THOC1: variants seen among roughly 807,000 people sequenced by gnomAD.
THOC1 encodes THO complex subunit 1, also known as THO complex 1.
Under a neutral mutation model 97.3 loss-of-function variants are expected in THOC1, and 29 were observed. The observed-to-expected ratio is 0.30, with a 90% CI of 0.22 to 0.41. The LOEUF (loss-of-function observed/expected upper bound fraction) is 0.41, where lower values mean the gene tolerates loss of function less well. Among genes scored for constraint, THOC1 ranks in the 10% least tolerant of loss-of-function variants. The pLI is 1.00. For missense variants in THOC1, 529 were observed against 761.9 expected (o/e 0.69, Z 3.60); for synonymous variants, 255 against 257.0 (o/e 0.99, Z 0.07).
intron 11 of THOC1, among the ~76,000 whole-genome samples, chr18:227,314 T>A (rs892242028): frequency 9.9e-5 from 15 of 151,214 alleles, no homozygotes; most frequent in Admixed American, 5.9e-4. Flanking sequence ...ACTCTAAATT[T>A]AAAAAAAAAA....
intron 17 of THOC1, 112 bp downstream of exon 17, chr18:223,328 A>G (rs1044878426): frequency 2.5e-6 from 2 of 803,402 alleles, no homozygotes; most frequent in Non-Finnish European, 3.8e-6. Context: ...CCAAAAGTCA[A>G]CCACAATAAA....
At chr18:228,153 G>T (rs775394546) in intron 11 of THOC1, among the ~76,000 whole-genome samples, 1 of 152,080 alleles carries the variant, frequency 6.6e-6, no homozygotes, top group Non-Finnish European at 1.5e-5. Context: ...CCACGGACAG[G>T]CCCATCTCTG....
intron 11 of THOC1, among the ~76,000 whole-genome samples, chr18:233,492 A>AAG (rs2143201228): frequency 6.6e-6 from 1 of 152,318 alleles, no homozygotes; most frequent in Admixed American, 6.5e-5. Context: ...AGGCTGAGGC[A>AAG]AGAGAATCAC....
Position 228,388 on chromosome 18 carries a change from C to A in THOC1, c.919-1487G>T, listed in dbSNP as rs535478656. Among the ~76,000 whole-genome samples the A allele has an allele frequency of 9.2e-5, 14 of 152,066 alleles. No individual in the cohort carries two copies. In the East Asian group the frequency reaches 2.7e-3, roughly 29 times the overall value. ...TAGTCCCATCCCATTTTATTATAAT[C>A]CTATTTTAGTCTAGATAAGGGGTCA... is the stretch of plus-strand genomic sequence containing the variant. On this transcript the variant is annotated intron_variant, in intron 11 of 20. Coordinates refer to ENST00000261600, the MANE Select transcript of THOC1 (RefSeq NM_005131.3).
intron 9 of THOC1, among the ~76,000 whole-genome samples, chr18:248,756 T>A (rs887703329): frequency 9.9e-5 from 15 of 152,042 alleles, no homozygotes; most frequent in Non-Finnish European, 1.8e-4. Context: ...TCTTTTAATT[T>A]AAATTTTTTT....
chr18:214,611 G>GA lies in THOC1; in HGVS notation c.*14dup, dbSNP rs752029619. On this transcript the variant is annotated 3_prime_UTR_variant, in exon 21 of 21. Transcript: ENST00000261600. ...AAATCTATCACAGTTTTAATAAAAA[G>GA]AAAAAAAAAAGAAGCTAACTATTTG... 7,196 of 1,354,976 alleles carry GA rather than the reference G, an allele frequency of 5.3e-3. No individual in the cohort carries two copies. Among genetic ancestry groups the GA allele is most frequent in the Non-Finnish European group, 5.8e-3 (5,727 of 994,310 alleles). 83.9% of individuals were successfully genotyped at this position (1,354,976 alleles called of 1,614,324 possible).
In THOC1 at chr18:265,331, G is replaced by A; in HGVS notation, c.161C>T (p.Ala54Val). ...TTCTTCTTCTAGAATACCTCTGAAAGCTTGGTCAAGGGTACATTTTTTTTC... is the reference window on the plus strand; with the variant it reads ...TTCTTCTTCTAGAATACCTCTGAAAACTTGGTCAAGGGTACATTTTTTTTC... ...ENEKKCTLDQ[A>V]FRGILEEEII... Residue 54 changes from alanine to valine, a missense_variant, in exon 3 of 21, where the codon GCT becomes GTT. Physicochemically the swap from Ala to Val is moderately conservative, Grantham distance 64 (BLOSUM62 0). Transcript: ENST00000261600. 6.2e-7 allele frequency: 1 copy of A among 1,602,350 alleles called. No homozygotes were observed. Among genetic ancestry groups the A allele is most frequent in the Non-Finnish European group, 8.5e-7 (1 of 1,176,460 alleles).
intron 4 of THOC1, chr18:261,087 T>G (rs1912590992): frequency 6.6e-6 from 1 of 152,204 alleles, no homozygotes; most frequent in South Asian, 2.1e-4. Flanking sequence ...TAACTATGAT[T>G]CAACATTTAA....
chr18:221,262 T>G (rs1911067248), intron 17 of THOC1, among the ~76,000 whole-genome samples: 1 of 152,162 alleles, frequency 6.6e-6, no homozygotes, highest in East Asian at 1.9e-4. Context: ...ATTTATTAAA[T>G]TCTGAGAAAG....
intron 11 of THOC1, among the ~76,000 whole-genome samples, chr18:229,523 A>G (rs1311593721): frequency 6.6e-6 from 1 of 152,062 alleles, no homozygotes; most frequent in East Asian, 1.9e-4. Context: ...CTATTTAAAA[A>G]AAAAAAAAAT....
chr18:221,859 T>C lies in THOC1; in HGVS notation c.1370+1581A>G, dbSNP rs144836754. Among the ~76,000 whole-genome samples the C allele has an allele frequency of 6.4e-3, 973 of 152,192 alleles. 9 individuals are homozygous for C. The highest frequency in any genetic ancestry group is 0.011 in the Non-Finnish European group (782 of 68,006). On this transcript the variant is annotated intron_variant, in intron 17 of 20. Transcript: ENST00000261600. ...TCCTGACCTCATGATCCGCCCGCCT[T>C]GGCCTCCCAAAGTGCTGGGATTACA...
At chr18:222,776 G>C (rs562335516) in intron 17 of THOC1, among the ~76,000 whole-genome samples, 1 of 152,228 alleles carries the variant, frequency 6.6e-6, no homozygotes, top group South Asian at 2.1e-4. Context: ...TCCTTTGTAG[G>C]TTGTCTGTTT....
intron 11 of THOC1, among the ~76,000 whole-genome samples, chr18:238,308 T>C (rs1911780252): frequency 6.6e-6 from 1 of 152,252 alleles, no homozygotes; most frequent in Non-Finnish European, 1.5e-5. Flanking sequence ...GCAGGAGCTA[T>C]CAAGTCTCAA....
At position 215,808 on chromosome 18, in the gene THOC1, C is replaced by T. The variant is rs144575289; in HGVS notation, c.1603-304G>A. 2.1e-3 allele frequency: 616 copies of T among 300,468 alleles called. 1 individual carries two copies. The highest frequency in any genetic ancestry group is 0.012 in the African/African-American group (562 of 46,470). 18.6% of individuals were successfully genotyped at this position (300,468 alleles called of 1,614,324 possible). The stretch of plus-strand genomic sequence containing the variant: ...ATACCCAGGGTTTATTTAGTAAAGA[C>T]GGCCTCAAGGAAGCCAGTAGCAACA... On this transcript the variant is annotated intron_variant, in intron 19 of 20. Coordinates refer to ENST00000261600, the MANE Select transcript of THOC1 (RefSeq NM_005131.3).
Position 259,252 on chromosome 18 carries a change from A to G in THOC1, c.448T>C (p.Ser150Pro), listed in dbSNP as rs1377966217. Residue 150 changes from serine to proline, a missense_variant, in exon 7 of 21, where the codon TCC (serine) becomes CCC (proline). Physicochemically the swap from Ser to Pro is moderately conservative, Grantham distance 74. Around this residue, in one of 8 missense-constraint regions of THOC1, gnomAD observed 49 missense variants for 91.7 expected, o/e 0.53. Transcript: ENST00000261600. ...CGTCCACAGAAGACTGTATTCTGGG[A>G]TTTAGACAATCTTCTTAGGAGATCT... ...CNDLLRRLSK[S>P]QNTVFCGRIQ... 6.2e-7 allele frequency: 1 copy of G among 1,611,266 alleles called. No homozygotes were observed. The highest frequency in any genetic ancestry group is 8.5e-7 in the Non-Finnish European group (1 of 1,178,628).
chr18:266,569 C>T (rs1458775438), intron 1 of THOC1, among the ~76,000 whole-genome samples: 1 of 143,692 alleles, frequency 7.0e-6, no homozygotes. Context: ...GATGGAGTCT[C>T]CCTCTGTTGC....
chr18:263,773 G>A (rs1261392437), intron 4 of THOC1: 1 of 389,532 alleles, frequency 2.6e-6, no homozygotes, highest in Non-Finnish European at 4.7e-6. Flanking sequence ...CATAGTAGAT[G>A]CTCAATGAAA....
intron 5 of THOC1, 77 bp downstream of exon 5, chr18:260,108 TA>T (rs11309829): frequency 0.61 from 522,337 of 860,550 alleles, 150,499 homozygotes; most frequent in South Asian, 0.71. Context: ...CAAATAAATT[TA>T]AAAAAAAAAA....
intron 7 of THOC1, among the ~76,000 whole-genome samples, chr18:257,889 T>A (rs1324014400): frequency 6.6e-6 from 1 of 151,998 alleles, no homozygotes; most frequent in Non-Finnish European, 1.5e-5. Flanking sequence ...TGAGAAGGTA[T>A]AATGGATGTT....
Sources: allele counts gnomAD v4.1 joint callset (sites outside exome capture counted in the v4.1 genomes callset), GRCh38; gene constraint gnomAD v4.1.1; regional missense constraint gnomAD v4.1.1; transcripts MANE v1.5; gene names NCBI Gene and HGNC (gene_info 2026-07-23, HGNC 2026-07-21).